SMARCA4: variants seen among roughly 807,000 people sequenced by gnomAD.
SMARCA4 encodes the protein SWI/SNF related BAF chromatin remodeling complex subunit ATPase 4, also known as SWI/SNF-related matrix-associated actin-dependent regulator of chromatin subfamily A member 4.
Under a neutral mutation model 193.9 loss-of-function variants are expected in SMARCA4, and 31 were observed. The ratio of observed to expected loss-of-function variants is 0.16; its 90% CI spans 0.12 to 0.22. SMARCA4 has a LOEUF of 0.22. Ranked by LOEUF, SMARCA4 falls within the 10% of genes least tolerant of loss-of-function variation. The probability of loss-of-function intolerance (pLI) is 1.00; values close to 1 mark genes in which losing one functional copy is unlikely to be tolerated. For synonymous variants in SMARCA4, 942 were observed against 933.1 expected, an observed-to-expected ratio of 1.01 and a Z score of -0.17; for missense variants, 1,148 against 2,296.0, an observed-to-expected ratio of 0.50 and a Z score of 10.22.
rs1555763737 is a variant in SMARCA4, at chr19:10,996,345, G to T, written c.1726G>T (p.Val576Phe). The T allele has an allele frequency of 6.2e-7, 1 of 1,614,232 alleles. No homozygotes were observed. Among genetic ancestry groups the T allele is most frequent in the Non-Finnish European group, 8.5e-7 (1 of 1,180,048 alleles). Reference sequence around the variant, plus strand: ...GGTGCGGCAGCACAAGGCTGCCCAGGTCGCCAAGGAGAAAAAGAAGAAAAA... The same window carrying T: ...GGTGCGGCAGCACAAGGCTGCCCAGTTCGCCAAGGAGAAAAAGAAGAAAAA... ...ELVRQHKAAQ[V>F]AKEKKKKKKK... The change falls in exon 10 of 35, where the codon GTC becomes TTC. Residue 576 changes from valine (V) to phenylalanine (F), a missense_variant. Val to Phe is a conservative substitution (Grantham distance 50). Around this residue, in one of 17 missense-constraint regions of SMARCA4, gnomAD observed 115 missense variants for 175.1 expected, o/e 0.66. Transcript: ENST00000344626.
chr19:11,061,188 T>TAAAAAAAAAAAA (rs140377414), intron 34 of SMARCA4, among the ~76,000 whole-genome samples: 15 of 68,840 alleles, frequency 2.2e-4, no homozygotes, highest in African/African-American at 9.1e-4. Flanking sequence ...ACCCTGTCTT[T>TAAAAAAAAAAAA]AAAAAAAAAA....
chr19:10,981,988 C>G (rs79828782), intron 1 of SMARCA4, among the ~76,000 whole-genome samples: 8,174 of 152,044 alleles, frequency 0.054, 287 homozygotes, highest in South Asian at 0.11. Context: ...ACTCTGTATA[C>G]AAAACAAAAA....
Position 11,018,997 on chromosome 19 carries a change from C to T in SMARCA4, c.2479C>T (p.Pro827Ser), listed in dbSNP as rs1308594230. 1 of 1,614,178 alleles carries T rather than the reference C, an allele frequency of 6.2e-7. No homozygotes were observed. The highest frequency in any genetic ancestry group is 1.1e-5 in the South Asian group (1 of 91,082). Residue 827 changes from proline (P) to serine (S), a missense_variant, in exon 17 of 35, where the codon CCC (proline) becomes TCC (serine). Coordinates refer to ENST00000344626, the MANE Select transcript of SMARCA4 (RefSeq NM_003072.5). ...GGCGTACGAGTTTGACAAGTGGGCC[C>T]CCTCCGTGGTGAAGGTGTCTTACAA... ...NWAYEFDKWA[P>S]SVVKVSYKGS... is the part of the protein sequence containing the mutation.
intron 1 of SMARCA4, among the ~76,000 whole-genome samples, chr19:10,962,589 C>T (rs1455196839): frequency 2.0e-5 from 3 of 152,252 alleles, no homozygotes; most frequent in Non-Finnish European, 1.5e-5. Context: ...GTCGCCCAGG[C>T]TGGAGTTCAG....
intron 29 of SMARCA4, among the ~76,000 whole-genome samples, chr19:11,038,266 A>T (rs2075378102): frequency 6.6e-6 from 1 of 152,146 alleles, no homozygotes; most frequent in Non-Finnish European, 1.5e-5. Flanking sequence ...CTCTGTCTTC[A>T]TGGGGACTTC....
chr19:11,019,146 C>A lies in SMARCA4; in HGVS notation c.2505+123C>A. 1.3e-6 allele frequency: 1 copy of A among 794,824 alleles called. No homozygotes were observed. Among genetic ancestry groups the A allele is most frequent in the South Asian group, 1.4e-5 (1 of 71,852 alleles). 49.2% of individuals were successfully genotyped at this position (794,824 alleles called of 1,614,324 possible). On this transcript the variant is annotated intron_variant, in intron 17 of 34. Coordinates refer to ENST00000344626, the MANE Select transcript of SMARCA4 (RefSeq NM_003072.5). This position sits in a 1 kb window ranked among gnomAD's most constrained non-coding sequence, Gnocchi z 6.1. ...TGCTGGGTCTCCAGTCGCATGGAGT[C>A]TCCAGGACAGCCTGGAACTCCAGTC...
chr19:11,005,196 G>A (rs1050636605), intron 13 of SMARCA4, among the ~76,000 whole-genome samples: 5 of 152,166 alleles, frequency 3.3e-5, no homozygotes, highest in African/African-American at 9.7e-5. Flanking sequence ...CTACCCTGGA[G>A]TCTGACTTTT....
rs2076657766 is a variant in SMARCA4, at chr19:11,058,240, G to A, written c.4425-15G>A. ...GGCGGACTCGGGGGTGATAGCCGCC[G>A]GTTCTGCCTTGCAGCAGCAGTGGAC... On this transcript the variant is annotated splice_polypyrimidine_tract_variant and intron_variant, in intron 30 of 34. Coordinates refer to ENST00000344626, the MANE Select transcript of SMARCA4 (RefSeq NM_003072.5). The surrounding 1 kb of genome is among the most constrained non-coding windows in gnomAD (Gnocchi z 5.8). 4.8e-5 allele frequency: 77 copies of A among 1,598,248 alleles called. No homozygotes were observed. Among genetic ancestry groups the A allele is most frequent in the Non-Finnish European group, 6.2e-5 (73 of 1,169,066 alleles).
intron 8 of SMARCA4, 64 bp from the exon 9 acceptor site, chr19:10,994,763 CT>C: frequency 6.9e-7 from 1 of 1,444,108 alleles, no homozygotes; most frequent in Non-Finnish European, 9.7e-7. Flanking sequence ...TTAAACAAGC[CT>C]TGCGGGGAGA....
At position 11,025,284 on chromosome 19, in the gene SMARCA4, C is replaced by T. The variant is rs997661748; in HGVS notation, c.3082-138C>T. ...GCCTCCAGCCTGCCATCTCCTCACT[C>T]CCAATTGCTGTGCCAAAAGCCACTC... On this transcript the variant is annotated intron_variant, in intron 21 of 34. Coordinates refer to ENST00000344626, the MANE Select transcript of SMARCA4 (RefSeq NM_003072.5). 4 of 687,512 alleles carry T rather than the reference C, an allele frequency of 5.8e-6. No homozygotes were observed. In the African/African-American group the frequency reaches 7.0e-5, roughly 12 times the overall value. The allele number at this position is 687,512 out of a possible 1,614,324, so 42.6% of individuals were successfully genotyped here. A position where few individuals can be genotyped will look rare whatever the true frequency, so the allele number is the denominator to read the frequency against.
chr19:11,001,780 T>A (rs1408941405), intron 11 of SMARCA4, among the ~76,000 whole-genome samples: 4 of 152,210 alleles, frequency 2.6e-5, no homozygotes, highest in Non-Finnish European at 5.9e-5. Flanking sequence ...TCCTGGAAGA[T>A]GAAAACCAAA....
rs768127028 is a variant in SMARCA4 at position 11,030,776 on chromosome 19, C to T, written c.3429C>T (p.Asn1143=). 1.6e-5 allele frequency: 25 copies of T among 1,610,848 alleles called. No individual in the cohort carries two copies. Among genetic ancestry groups the T allele is most frequent in the South Asian group, 6.6e-5 (6 of 90,330 alleles). Residue 1143 remains asparagine (N), a synonymous_variant, in exon 25 of 35, where the codon AAC becomes AAT. Transcript: ENST00000344626. This position sits in a 1 kb window ranked among gnomAD's most constrained non-coding sequence, Gnocchi z 5.5. ...GGGGCATGCTGCTGAAAACCTTCAACGAGCCCGGCTCTGAGTACTTCATCT... is the reference window on the plus strand; with the variant it reads ...GGGGCATGCTGCTGAAAACCTTCAATGAGCCCGGCTCTGAGTACTTCATCT... The part of the protein sequence containing the change: ...EDRGMLLKTF[N]EPGSEYFIFL...
intron 1 of SMARCA4, among the ~76,000 whole-genome samples, chr19:10,962,115 A>C (rs2083859291): frequency 3.3e-5 from 5 of 151,990 alleles, no homozygotes; most frequent in Admixed American, 3.3e-4. Flanking sequence ...TGGTGCTGTC[A>C]GTCACTTAGC....
chr19:11,033,267 C>T lies in SMARCA4; in HGVS notation c.3547-23C>T, dbSNP rs1282853770. The T allele has an allele frequency of 6.3e-7, 1 of 1,596,786 alleles. No individual in the cohort carries two copies. The highest frequency in any genetic ancestry group is 8.6e-7 in the Non-Finnish European group (1 of 1,165,554). ...TATGACCTCCTGGGCTCCTTTGGGA[C>T]TGACTGGCACCTCTTCCCCCAGGAC... On this transcript the variant is annotated intron_variant, in intron 25 of 34. Transcript: ENST00000344626. The surrounding 1 kb of genome is among the most constrained non-coding windows in gnomAD (Gnocchi z 9.8).
intron 34 of SMARCA4, 103 bp from the exon 35 acceptor site, chr19:11,061,681 C>A (rs766328289): frequency 1.7e-6 from 2 of 1,145,856 alleles, no homozygotes; most frequent in Non-Finnish European, 2.6e-6. Flanking sequence ...CGGCCCACAT[C>A]AGTGTTTTCT....
In SMARCA4 at chr19:11,041,667, C is replaced by T. The variant is rs924314181; in HGVS notation, c.4424+107C>T. 5 of 932,446 alleles carry T rather than the reference C, an allele frequency of 5.4e-6. No homozygotes were observed. Among genetic ancestry groups the T allele is most frequent in the Admixed American group, 2.3e-5 (1 of 43,854 alleles). 57.8% of individuals were successfully genotyped at this position (932,446 alleles called of 1,614,324 possible). ...CTCAGGCTTGGGCCGCTCACTCTTT[C>T]ACTCATCCACAAACACTGACTGAAT... On this transcript the variant is annotated intron_variant, in intron 30 of 34. Coordinates refer to ENST00000344626, the MANE Select transcript of SMARCA4 (RefSeq NM_003072.5). The surrounding 1 kb of genome is among the most constrained non-coding windows in gnomAD (Gnocchi z 5.6).
rs1410681876 is a variant in SMARCA4 at position 11,033,081 on chromosome 19, G to A, written c.3547-209G>A. On this transcript the variant is annotated intron_variant, in intron 25 of 34. Transcript: ENST00000344626. This position sits in a 1 kb window ranked among gnomAD's most constrained non-coding sequence, Gnocchi z 9.8. ...AAGGTAGAAGGTGGCACTTCTGGAG[G>A]AACGTGATGAGAGTCCCCTTCCCCC... 42 of 641,074 alleles carry A rather than the reference G, an allele frequency of 6.6e-5. No homozygotes were observed. The highest frequency in any genetic ancestry group is 5.4e-4 in the South Asian group (31 of 57,844). The allele number at this position is 641,074 out of a possible 1,614,324, so 39.7% of individuals were successfully genotyped here.
chr19:11,034,476 A>G lies in SMARCA4; in HGVS notation c.3951+276A>G, dbSNP rs1033270368. On this transcript the variant is annotated intron_variant, in intron 28 of 34. Coordinates refer to ENST00000344626, the MANE Select transcript of SMARCA4 (RefSeq NM_003072.5). The surrounding 1 kb of genome is among the most constrained non-coding windows in gnomAD (Gnocchi z 7.0). The stretch of plus-strand genomic sequence containing the variant: ...TTTCTAACGGGCTCTCCAGGGCTTC[A>G]TGCACTCCCTTTCAGAGGGAGTTCG... 6.6e-6 allele frequency among the ~76,000 whole-genome samples: 1 copy of G among 152,118 alleles called. No homozygotes were observed. Among genetic ancestry groups the G allele is most frequent in the African/African-American group, 2.4e-5 (1 of 41,434 alleles).
chr19:10,981,474 C>T (rs1281740727), intron 1 of SMARCA4, among the ~76,000 whole-genome samples: 7 of 152,264 alleles, frequency 4.6e-5, no homozygotes, highest in Middle Eastern at 3.2e-3. Flanking sequence ...AATATCCACA[C>T]GGAGCAGAAT....
Sources: gnomAD v4.1 joint callset for allele counts (sites outside exome capture counted in the v4.1 genomes callset) on GRCh38, gnomAD v4.1.1 for gene constraint, gnomAD v4.1.1 regional missense constraint, Gnocchi (gnomAD v3.1) non-coding constraint, MANE v1.5 for transcripts, NCBI Gene and HGNC (gene_info 2026-07-23, HGNC 2026-07-21) for gene names.